The following FBXW7 variants were observed in gnomAD, a reference collection of about 807,000 sequenced individuals.
FBXW7 encodes F-box/WD repeat-containing protein 7.
In FBXW7, 11 loss-of-function variants were observed where a neutral mutation model predicts 86.3. The ratio of observed to expected loss-of-function variants is 0.13; its 90% confidence interval spans 0.08 to 0.21. The LOEUF (loss-of-function observed/expected upper bound fraction) is 0.21. Among genes scored for constraint, FBXW7 ranks in the 10% least tolerant of loss-of-function variants. FBXW7 has a pLI of 1.00. For missense variants in FBXW7, 488 were observed against 847.4 expected, an observed-to-expected ratio of 0.58 and a Z score of 5.27; for synonymous variants, 313 against 297.9, an observed-to-expected ratio of 1.05 and a Z score of -0.52.
chr4:152,445,054 C>G (rs545373160), intron 2 of FBXW7, among the ~76,000 whole-genome samples: 193 of 152,200 alleles, frequency 1.3e-3, no homozygotes, highest in African/African-American at 4.4e-3. Flanking sequence ...TCAAACTTCT[C>G]GACTCAAGCG....
At position 152,536,069 on chromosome 4, in the gene FBXW7, G is replaced by A. The variant is rs893768748; in HGVS notation, c.-1155C>T. 1.7e-5 allele frequency: 3 copies of A among 174,676 alleles called. No homozygotes were observed. The highest frequency in any genetic ancestry group is 1.1e-4 in the South Asian group (1 of 8,876). 10.8% of individuals were successfully genotyped at this position (174,676 alleles called of 1,614,324 possible). A position where few individuals can be genotyped will look rare whatever the true frequency, so the allele number is the denominator to read the frequency against. ...CTCGCTGTCTCCCTCGCTCTGTGCG[G>A]GGCTCTCGCCTCACTCCAGAGAGAG... On this transcript the variant is annotated 5_prime_UTR_variant, in exon 1 of 14. Transcript: ENST00000281708.
At chr4:152,383,821 C>G (rs1339632933) in intron 4 of FBXW7, among the ~76,000 whole-genome samples, 3 of 151,984 alleles carry the variant, frequency 2.0e-5, no homozygotes, top group Non-Finnish European at 4.4e-5. Flanking sequence ...TCTCTTATAC[C>G]ACAATTTAAA....
intron 7 of FBXW7, among the ~76,000 whole-genome samples, chr4:152,334,656 CA>C (rs1729892354): frequency 6.6e-6 from 1 of 152,114 alleles, no homozygotes; most frequent in South Asian, 2.1e-4. Context: ...AGTACATCCC[CA>C]AATCACCAGG....
At chr4:152,418,125 T>TA (rs1579145999) in intron 2 of FBXW7, among the ~76,000 whole-genome samples, 1 of 141,306 alleles carries the variant, frequency 7.1e-6, no homozygotes, top group African/African-American at 2.7e-5. Context: ...GAACAGCTCT[T>TA]ACCACACACA....
At chr4:152,531,917 T>C (rs537067963) in intron 2 of FBXW7, among the ~76,000 whole-genome samples, 145 of 151,782 alleles carry the variant, frequency 9.6e-4, no homozygotes, top group African/African-American at 3.4e-3. Context: ...CAGAATAATA[T>C]ACCCTGGGAC....
intron 4 of FBXW7, among the ~76,000 whole-genome samples, chr4:152,378,008 T>A (rs972501374): frequency 6.6e-6 from 1 of 152,138 alleles, no homozygotes; most frequent in Non-Finnish European, 1.5e-5. Flanking sequence ...AACATTTTAT[T>A]AAAACACAGT....
intron 4 of FBXW7, among the ~76,000 whole-genome samples, chr4:152,377,192 TG>T (rs1734627534): frequency 6.6e-6 from 1 of 152,130 alleles, no homozygotes; most frequent in African/African-American, 2.4e-5. Flanking sequence ...TAGAGAGTCC[TG>T]AGATTAAATA....
At chr4:152,434,616 C>T (rs1740210248) in intron 2 of FBXW7, among the ~76,000 whole-genome samples, 1 of 152,134 alleles carries the variant, frequency 6.6e-6, no homozygotes. Context: ...GTTCTTGTAT[C>T]AAGACCTATG....
At chr4:152,424,523 T>C (rs944443140) in intron 2 of FBXW7, among the ~76,000 whole-genome samples, 1 of 152,206 alleles carries the variant, frequency 6.6e-6, no homozygotes, top group Middle Eastern at 3.2e-3. Flanking sequence ...TTAGATCTTT[T>C]CATTTCTGTC....
intron 6 of FBXW7, among the ~76,000 whole-genome samples, chr4:152,340,029 T>A (rs930081616): frequency 4.0e-5 from 6 of 151,666 alleles, no homozygotes; most frequent in African/African-American, 1.5e-4. Flanking sequence ...GAACAGATGA[T>A]AAACAACTAA....
intron 2 of FBXW7, among the ~76,000 whole-genome samples, chr4:152,527,992 G>A (rs766177398): frequency 6.6e-6 from 1 of 151,760 alleles, no homozygotes; most frequent in Non-Finnish European, 1.5e-5. Flanking sequence ...AAACATTGAC[G>A]GGTTCGTTTA....
chr4:152,459,769 TA>T (rs915172460), intron 2 of FBXW7, among the ~76,000 whole-genome samples: 1 of 152,078 alleles, frequency 6.6e-6, no homozygotes, highest in Non-Finnish European at 1.5e-5. Context: ...ACAACAATAA[TA>T]AAAAAGAACA....
intron 2 of FBXW7, among the ~76,000 whole-genome samples, chr4:152,417,140 A>G (rs1738508259): frequency 6.6e-6 from 1 of 151,606 alleles, no homozygotes; most frequent in African/African-American, 2.4e-5. Context: ...GAAGCTAATG[A>G]CTCCCCATAC....
chr4:152,414,850 A>C (rs1485171944), intron 2 of FBXW7, among the ~76,000 whole-genome samples: 7 of 152,110 alleles, frequency 4.6e-5, no homozygotes, highest in African/African-American at 1.7e-4. Context: ...TCTTCAAAAA[A>C]ATTTAAAATA....
At chr4:152,443,216 C>T (rs1213444778) in intron 2 of FBXW7, among the ~76,000 whole-genome samples, 3 of 152,098 alleles carry the variant, frequency 2.0e-5, no homozygotes, top group East Asian at 1.9e-4. Context: ...GAGCCGAAAT[C>T]GCACCATTGC....
At chr4:152,396,972 C>A (rs1007730083) in intron 4 of FBXW7, among the ~76,000 whole-genome samples, 1 of 151,894 alleles carries the variant, frequency 6.6e-6, no homozygotes, top group Non-Finnish European at 1.5e-5. Context: ...ATTATAGTAA[C>A]TAATTTGAAG....
At chr4:152,455,401 A>G (rs1403635658) in intron 2 of FBXW7, among the ~76,000 whole-genome samples, 1 of 152,156 alleles carries the variant, frequency 6.6e-6, no homozygotes, top group Non-Finnish European at 1.5e-5. Context: ...CAGCACCTTT[A>G]ATGTTCACAT....
intron 2 of FBXW7, among the ~76,000 whole-genome samples, chr4:152,484,048 TAG>T (rs1190645554): frequency 2.0e-5 from 3 of 152,170 alleles, no homozygotes; most frequent in African/African-American, 4.8e-5. Flanking sequence ...GAACTTTGAA[TAG>T]AGTCTACATG....
chr4:152,406,417 T>C (rs568295576), intron 4 of FBXW7, among the ~76,000 whole-genome samples: 1 of 152,288 alleles, frequency 6.6e-6, no homozygotes, highest in African/African-American at 2.4e-5. Flanking sequence ...GCCCCGTCTC[T>C]TAAATAATTA....
Sources: gnomAD v4.1 joint callset for allele counts (sites outside exome capture counted in the v4.1 genomes callset) on GRCh38, gnomAD v4.1.1 for gene constraint, MANE v1.5 for transcripts, NCBI Gene and HGNC (gene_info 2026-07-23, HGNC 2026-07-21) for gene names.